Variants in ST3GAL2 observed in about 807,000 individuals in gnomAD.
The protein encoded by ST3GAL2 is CMP-N-acetylneuraminate-beta-galactosamide-alpha-2,3-sialyltransferase 2.
Under a neutral mutation model 37.5 loss-of-function variants are expected in ST3GAL2, and 16 were observed. That is an observed-to-expected ratio of 0.43 (90% CI 0.29 to 0.65). The LOEUF is 0.65. ST3GAL2 is among the 30% of genes least tolerant of loss of function. The pLI is 0.17. For missense variants in ST3GAL2, 383 were observed against 487.8 expected (o/e 0.79, Z 2.02); for synonymous variants, 238 against 202.9 (o/e 1.17, Z -1.47).
In ST3GAL2 at chr16:70,381,686, G is replaced by T. The variant is rs371915892; in HGVS notation, c.*3C>A. ...GGCCGGAAGGGTCGCGGCGAGGCCC[G>T]GCTCAGTTGCCCCGGTAGACTTCGA... On this transcript the variant is annotated 3_prime_UTR_variant, in exon 7 of 7. Coordinates refer to ENST00000342907, the MANE Select transcript of ST3GAL2 (RefSeq NM_006927.4). 6.2e-7 allele frequency: 1 copy of T among 1,612,820 alleles called. No individual in the cohort carries two copies. Among genetic ancestry groups the T allele is most frequent in the East Asian group, 2.2e-5 (1 of 44,858 alleles).
rs918748423 is a variant in ST3GAL2 at position 70,384,725 on chromosome 16, A to C, written c.714-1490T>G. ...TGTCTCAAAAAAAAAAAAAAAAAAA[A>C]ACACAATAGTCAAATCAGGCTGGGT... On this transcript the variant is annotated intron_variant, in intron 4 of 6. Coordinates refer to ENST00000342907, the MANE Select transcript of ST3GAL2 (RefSeq NM_006927.4). 6.2e-3 allele frequency among the ~76,000 whole-genome samples: 932 copies of C among 150,484 alleles called. 11 individuals carry two copies. Among genetic ancestry groups the C allele is most frequent in the African/African-American group, 0.021 (859 of 40,872 alleles).
intron 1 of ST3GAL2, among the ~76,000 whole-genome samples, chr16:70,433,953 T>C (rs1311211497): frequency 6.6e-6 from 1 of 152,218 alleles, no homozygotes; most frequent in African/African-American, 2.4e-5. Context: ...AGGCACTGCT[T>C]GGAAACCTAC....
intron 1 of ST3GAL2, among the ~76,000 whole-genome samples, chr16:70,408,891 A>C (rs2047613028): frequency 6.6e-5 from 1 of 15,252 alleles, no homozygotes; most frequent in African/African-American, 3.3e-4. Context: ...TCAAAGAAAC[A>C]AAAAAAAAAA....
intron 1 of ST3GAL2, among the ~76,000 whole-genome samples, chr16:70,406,417 AG>A (rs1324722304): frequency 6.6e-6 from 1 of 152,132 alleles, no homozygotes; most frequent in Non-Finnish European, 1.5e-5. Flanking sequence ...AGGCTGAGGC[AG>A]GAGAAATGCT....
At chr16:70,395,936 T>C (rs1369036903) in intron 2 of ST3GAL2, among the ~76,000 whole-genome samples, 2 of 151,732 alleles carry the variant, frequency 1.3e-5, no homozygotes, top group African/African-American at 4.8e-5. Flanking sequence ...ACACTGAAAA[T>C]AAGGATTTCA....
At position 70,380,127 on chromosome 16, in the gene ST3GAL2, G is replaced by A. The variant is rs1057034382; in HGVS notation, c.*1562C>T. 6.6e-6 allele frequency: 1 copy of A among 152,260 alleles called. No individual in the cohort carries two copies. Among genetic ancestry groups the A allele is most frequent in the Non-Finnish European group, 1.5e-5 (1 of 68,162 alleles). 9.4% of individuals were successfully genotyped at this position (152,260 alleles called of 1,614,324 possible). ...GGGGAGGGGGGAGCGCCCTGAGAGA[G>A]GCATTCTACTAACCCCACCCCAATC... is the stretch of plus-strand genomic sequence containing the variant. On this transcript the variant is annotated 3_prime_UTR_variant, in exon 7 of 7. Coordinates refer to ENST00000342907, the MANE Select transcript of ST3GAL2 (RefSeq NM_006927.4).
intron 1 of ST3GAL2, among the ~76,000 whole-genome samples, chr16:70,423,915 G>A (rs893923070): frequency 5.9e-5 from 9 of 151,786 alleles, no homozygotes; most frequent in South Asian, 4.2e-4. Flanking sequence ...AAAATTAGCC[G>A]GGCGTGGTGG....
chr16:70,383,497 C>T (rs760990290), intron 4 of ST3GAL2, among the ~76,000 whole-genome samples: 12 of 141,050 alleles, frequency 8.5e-5, no homozygotes, highest in South Asian at 2.3e-4. Flanking sequence ...GGTTTCAGTG[C>T]GCCGAGATCA....
At chr16:70,383,582 G>A in intron 4 of ST3GAL2, among the ~76,000 whole-genome samples, 1 of 148,526 alleles carries the variant, frequency 6.7e-6, no homozygotes, top group East Asian at 2.0e-4. Context: ...AAGGAAAGGA[G>A]AGGGGTGGGG....
chr16:70,401,539 G>C (rs924119287), intron 1 of ST3GAL2, among the ~76,000 whole-genome samples: 4 of 151,990 alleles, frequency 2.6e-5, no homozygotes, highest in Non-Finnish European at 5.9e-5. Flanking sequence ...AAAAATCAAA[G>C]GCCCCCAAAC....
At chr16:70,385,683 G>A (rs1350717197) in intron 4 of ST3GAL2, among the ~76,000 whole-genome samples, 7 of 144,300 alleles carry the variant, frequency 4.9e-5, no homozygotes, top group Non-Finnish European at 9.1e-5. Flanking sequence ...ACATGAAAAT[G>A]TTCCTTTTTT....
chr16:70,414,712 A>G (rs1276273398), intron 1 of ST3GAL2, among the ~76,000 whole-genome samples: 1 of 152,178 alleles, frequency 6.6e-6, no homozygotes, highest in African/African-American at 2.4e-5. Context: ...TCACTCTGTC[A>G]TCCAGGCTGT....
At chr16:70,415,838 G>A (rs145851452) in intron 1 of ST3GAL2, among the ~76,000 whole-genome samples, 2 of 136,070 alleles carry the variant, frequency 1.5e-5, no homozygotes, top group East Asian at 4.4e-4. Flanking sequence ...CACAATCTTG[G>A]GATCTTGGCT....
At chr16:70,414,657 C>T (rs2047662587) in intron 1 of ST3GAL2, among the ~76,000 whole-genome samples, 1 of 152,054 alleles carries the variant, frequency 6.6e-6, no homozygotes, top group Non-Finnish European at 1.5e-5. Flanking sequence ...GGTTACTTTT[C>T]ATTTCCAGGC....
rs927551173 is a variant in ST3GAL2, at chr16:70,381,527, G to A, written c.*162C>T. ...AGAAGCTCCGCCCGACCGCAGCGCA[G>A]ATTGGTGCCAGGCCCGGCCGGTCCC... On this transcript the variant is annotated 3_prime_UTR_variant, in exon 7 of 7. Transcript: ENST00000342907. 4 of 813,034 alleles carry A rather than the reference G, an allele frequency of 4.9e-6. No homozygotes were observed. The highest frequency in any genetic ancestry group is 3.5e-5 in the African/African-American group (2 of 57,470). The allele number at this position is 813,034 out of a possible 1,614,324, so 50.4% of individuals were successfully genotyped here. A position where few individuals can be genotyped will look rare whatever the true frequency, so the allele number is the denominator to read the frequency against.
chr16:70,396,430 C>G (rs1379543692), intron 2 of ST3GAL2, among the ~76,000 whole-genome samples: 1 of 151,952 alleles, frequency 6.6e-6, no homozygotes, highest in Non-Finnish European at 1.5e-5. Flanking sequence ...GAGCTTGGCT[C>G]CAAGATGAGA....
chr16:70,401,374 C>G (rs2047553816), intron 1 of ST3GAL2, among the ~76,000 whole-genome samples: 1 of 152,086 alleles, frequency 6.6e-6, no homozygotes, highest in Admixed American at 6.6e-5. Context: ...TTTGACATGT[C>G]TGGAAAGAGC....
chr16:70,382,987 A>G lies in ST3GAL2; in HGVS notation c.760-63T>C. On this transcript the variant is annotated intron_variant, in intron 5 of 6. Transcript: ENST00000342907. ...AGGGGCAGAGATTCAGGCTAGACTG[A>G]GCAGCTTCTACTTGTCTATGCCTGT... 3 of 1,595,168 alleles carry G rather than the reference A, an allele frequency of 1.9e-6. No homozygotes were observed. In the South Asian group the frequency reaches 3.4e-5, roughly 18 times the overall value.
chr16:70,412,857 G>A (rs1035511579), intron 1 of ST3GAL2, among the ~76,000 whole-genome samples: 8 of 151,808 alleles, frequency 5.3e-5, no homozygotes, highest in African/African-American at 1.9e-4. Flanking sequence ...GACCAGCTTA[G>A]GCAACATGGC....
Sources: allele counts gnomAD v4.1 joint callset (sites outside exome capture counted in the v4.1 genomes callset), GRCh38; gene constraint gnomAD v4.1.1; transcripts MANE v1.5; gene names NCBI Gene and HGNC (gene_info 2026-07-23, HGNC 2026-07-21).